TAF1D: variants seen among roughly 807,000 people sequenced by gnomAD.
The protein encoded by TAF1D is TATA-box binding protein associated factor, RNA polymerase I subunit D.
Under a neutral mutation model 26.2 loss-of-function variants are expected in TAF1D, and 23 were observed. The ratio of observed to expected loss-of-function variants is 0.88; its 90% CI spans 0.63 to 1.25. TAF1D has a LOEUF of 1.25. Ranked by LOEUF, TAF1D falls within the 50% of genes most tolerant of loss-of-function variation. The probability of loss-of-function intolerance (pLI) is 0.00; values close to 1 mark genes in which losing one functional copy is unlikely to be tolerated. For synonymous variants in TAF1D, 100 were observed against 105.6 expected, an observed-to-expected ratio of 0.95 and a Z score of 0.33; for missense variants, 299 against 322.0, an observed-to-expected ratio of 0.93 and a Z score of 0.55.
chr11:93,732,988 C>T (rs1481169614), downstream of TAF1D: 1 of 312,472 alleles, frequency 3.2e-6, no homozygotes, highest in Non-Finnish European at 6.3e-6. Flanking sequence ...TTGCCAGTAT[C>T]TTACTAATTC....
downstream of TAF1D, chr11:93,733,512 G>A: frequency 1.9e-6 from 1 of 518,946 alleles, no homozygotes. Context: ...AGTCCTGTGA[G>A]TAAAGTAAAA....
exon 12 of TAF1D, chr11:93,730,369 T>C (rs1244273973): frequency 3.1e-6 from 3 of 964,308 alleles, no homozygotes; most frequent in South Asian, 1.3e-5. Flanking sequence ...TTCCATGTTG[T>C]GATTTCTTCC....
At chr11:93,732,400 G>C (rs546776073), downstream of TAF1D, 1 of 519,018 alleles carries the variant, frequency 1.9e-6, no homozygotes, top group East Asian at 5.4e-5. Flanking sequence ...CAAGCACAAA[G>C]CCAAGAAAAC....
Position 93,739,385 on chromosome 11 carries a change from A to G in TAF1D, c.-27-54T>C. On this transcript the variant is annotated intron_variant, in intron 1 of 5. Transcript: ENST00000448108. ...CAAAGCTTCCCTAAATATTGACAGT[A>G]TCTACTACAGTGTTGAACGTGGTCA... is the stretch of plus-strand genomic sequence containing the variant. 3 of 1,232,642 alleles carry G rather than the reference A, an allele frequency of 2.4e-6. 1 individual carries two copies. In the Admixed American group the frequency reaches 5.7e-5, roughly 23 times the overall value. 76.4% of individuals were successfully genotyped at this position (1,232,642 alleles called of 1,614,324 possible).
At chr11:93,735,449 A>T (rs1363895699), downstream of TAF1D, 2 of 588,484 alleles carry the variant, frequency 3.4e-6, no homozygotes, top group Non-Finnish European at 4.4e-6. Context: ...TTGGGAGGCC[A>T]AGGCAGGCGG....
chr11:93,733,519 A>C, downstream of TAF1D: 1 of 519,036 alleles, frequency 1.9e-6, no homozygotes, highest in Non-Finnish European at 3.8e-6. Flanking sequence ...TGAGTAAAGT[A>C]AAACCACAGA....
Position 93,738,263 on chromosome 11 carries a change from G to C in TAF1D, c.305C>G (p.Thr102Arg). ...TTCTGGTCTTCCCCGTGGTCTTCCT[G>C]TTGGCTGGTACCTCCTCTTTTTCTT... ...KKKKKRRYQP[T>R]GRPRGRPEGR... Residue 102 changes from threonine to arginine, a missense_variant, in exon 3 of 6, where the codon ACA becomes AGA. Thr to Arg is a moderately conservative substitution (Grantham distance 71). Coordinates refer to ENST00000448108, the MANE Select transcript of TAF1D (RefSeq NM_024116.4). 1 of 1,612,586 alleles carries C rather than the reference G, an allele frequency of 6.2e-7. No homozygotes were observed. The highest frequency in any genetic ancestry group is 8.5e-7 in the Non-Finnish European group (1 of 1,179,704).
At position 93,735,891 on chromosome 11, in the gene TAF1D, T is replaced by G. The variant is rs1356883837; in HGVS notation, c.*270A>C. 2 of 1,211,062 alleles carry G rather than the reference T, an allele frequency of 1.7e-6. No homozygotes were observed. The highest frequency in any genetic ancestry group is 1.0e-6 in the Non-Finnish European group (1 of 971,484). 75.0% of individuals were successfully genotyped at this position (1,211,062 alleles called of 1,614,324 possible). A position where few individuals can be genotyped will look rare whatever the true frequency, so the allele number is the denominator to read the frequency against. Reference sequence around the variant, plus strand: ...TGTTTCAATACTCACAGGACACCTGTAAGCTCTTATTCAGAAATCAAATGA... The same window carrying G: ...TGTTTCAATACTCACAGGACACCTGGAAGCTCTTATTCAGAAATCAAATGA... On this transcript the variant is annotated 3_prime_UTR_variant, in exon 6 of 6. Coordinates refer to ENST00000448108, the MANE Select transcript of TAF1D (RefSeq NM_024116.4).
chr11:93,741,181 C>T, intron 1 of TAF1D, 141 bp downstream of exon 1: 1 of 372,838 alleles, frequency 2.7e-6, no homozygotes, highest in Non-Finnish European at 5.3e-6. Context: ...GAGTGGCCTG[C>T]GGCCGTGATC....
intron 1 of TAF1D, among the ~76,000 whole-genome samples, chr11:93,740,207 T>C (rs1360206294): frequency 6.0e-5 from 9 of 150,342 alleles, no homozygotes; most frequent in Non-Finnish European, 1.0e-4. Context: ...CTGGGGTAGG[T>C]GGAATACCTG....
chr11:93,730,409 TAAAGAGCTGGAGTCAA>T, exon 12 of TAF1D: 1 of 797,142 alleles, frequency 1.3e-6, no homozygotes, highest in African/African-American at 1.7e-5. Context: ...TTAGATCCTC[TAAAGAGCTGGAGTCAA>T]AAGATTTATC....
chr11:93,731,251 CTATTAAG>C (rs1938648451), downstream of TAF1D: 1 of 355,508 alleles, frequency 2.8e-6, no homozygotes, highest in Non-Finnish European at 5.5e-6. Flanking sequence ...TTTATATTTA[CTATTAAG>C]TACATAAATC....
At chr11:93,741,222 T>G (rs548677399) in intron 1 of TAF1D, 100 bp downstream of exon 1, 24 of 427,910 alleles carry the variant, frequency 5.6e-5, no homozygotes, top group Non-Finnish European at 9.8e-5. Flanking sequence ...CTTCGGAGTC[T>G]CGATCCTCCG....
chr11:93,740,888 C>T (rs1231111379), intron 1 of TAF1D, among the ~76,000 whole-genome samples: 1 of 152,144 alleles, frequency 6.6e-6, no homozygotes, highest in Non-Finnish European at 1.5e-5. Flanking sequence ...GTGTCGATGC[C>T]TCCGTGGGGA....
chr11:93,736,115 G>T lies in TAF1D; in HGVS notation c.*46C>A, dbSNP rs750751674. On this transcript the variant is annotated 3_prime_UTR_variant, in exon 6 of 6. Coordinates refer to ENST00000448108, the MANE Select transcript of TAF1D (RefSeq NM_024116.4). ...CACATTTATCTTTATTCATTTCTATGAAGTCGTTTTTTCTATATGCTTCAC... is the reference window on the plus strand; with the variant it reads ...CACATTTATCTTTATTCATTTCTATTAAGTCGTTTTTTCTATATGCTTCAC... The T allele has an allele frequency of 1.2e-6, 2 of 1,608,662 alleles. No individual in the cohort carries two copies. Among genetic ancestry groups the T allele is most frequent in the Non-Finnish European group, 1.7e-6 (2 of 1,178,610 alleles).
At chr11:93,739,209 T>C (rs1941327236) in intron 2 of TAF1D, 28 bp downstream of exon 2, 1 of 1,531,886 alleles carries the variant, frequency 6.5e-7, no homozygotes, top group African/African-American at 1.4e-5. Flanking sequence ...ATAATTCAGA[T>C]ACAATAAACA....
downstream of TAF1D, chr11:93,733,300 C>T (rs755278534): frequency 7.7e-6 from 4 of 519,020 alleles, no homozygotes; most frequent in African/African-American, 1.9e-5. Flanking sequence ...ATCATCTGAA[C>T]TGTAATCATT....
downstream of TAF1D, chr11:93,735,385 G>T: frequency 9.9e-7 from 1 of 1,006,436 alleles, no homozygotes; most frequent in Non-Finnish European, 1.2e-6. Flanking sequence ...GAAAATGGTA[G>T]TTAAAAGTAG....
At chr11:93,738,662 TG>T (rs1203323079) in intron 2 of TAF1D, among the ~76,000 whole-genome samples, 163 bp from the exon 3 acceptor site, 3 of 152,216 alleles carry the variant, frequency 2.0e-5, no homozygotes, top group Non-Finnish European at 4.4e-5. Flanking sequence ...GCCTTTCTAC[TG>T]ATCATCCTAT....
Sources: allele counts gnomAD v4.1 joint callset (sites outside exome capture counted in the v4.1 genomes callset), GRCh38; gene constraint gnomAD v4.1.1; transcripts MANE v1.5; gene names NCBI Gene and HGNC (gene_info 2026-07-23, HGNC 2026-07-21).